Variants in MCF2L observed in about 807,000 individuals in gnomAD.
MCF2L encodes MCF.2 cell line derived transforming sequence like.
In MCF2L, 97 loss-of-function variants were observed where a neutral mutation model predicts 153.4. That is an observed-to-expected ratio of 0.63 (90% CI 0.54 to 0.75). MCF2L has a LOEUF of 0.75. Among genes scored for constraint, MCF2L ranks in the 30% least tolerant of loss-of-function variants. MCF2L has a pLI of 0.00. For synonymous variants in MCF2L, 659 were observed against 632.2 expected, an observed-to-expected ratio of 1.04 and a Z score of -0.64; for missense variants, 1,347 against 1,495.2, an observed-to-expected ratio of 0.90 and a Z score of 1.64.
At chr13:112,959,970 G>T (rs563011174) in intron 2 of MCF2L, among the ~76,000 whole-genome samples, 154 of 152,366 alleles carry the variant, frequency 1.0e-3, no homozygotes, top group African/African-American at 3.6e-3. Flanking sequence ...CCTCCTGCAG[G>T]TGTGGGGAGA....
upstream of MCF2L, chr13:112,969,189 CAG>C: frequency 1.2e-5 from 11 of 917,448 alleles, no homozygotes; most frequent in Non-Finnish European, 1.5e-5. This position sits in a 1 kb window ranked among gnomAD's most constrained non-coding sequence, Gnocchi z 4.8. Flanking sequence ...CCCCGCGGCG[CAG>C]CGCGCGCCCC....
At chr13:113,076,897 C>T (rs974746447) in intron 12 of MCF2L, among the ~76,000 whole-genome samples, 155 bp from the exon 13 acceptor site, 1 of 152,276 alleles carries the variant, frequency 6.6e-6, no homozygotes, top group Non-Finnish European at 1.5e-5. Flanking sequence ...CCGTAGTGGC[C>T]AGGGCTGGAC....
chr13:113,026,818 T>C (rs2085339551), intron 3 of MCF2L: 1 of 637,550 alleles, frequency 1.6e-6, no homozygotes, highest in Admixed American at 2.7e-5. Flanking sequence ...CAGACAGAGC[T>C]GGGTCCCTGT....
At chr13:113,085,062 C>G (rs2034502717) in intron 19 of MCF2L, 24 bp from the exon 20 acceptor site, 16 of 1,613,382 alleles carry the variant, frequency 9.9e-6, no homozygotes, top group Non-Finnish European at 1.3e-5. Context: ...ATTGTGCAAA[C>G]CAAAGGCTCT....
intron 1 of MCF2L, among the ~76,000 whole-genome samples, chr13:112,981,357 C>T (rs1022439186): frequency 6.6e-6 from 1 of 152,192 alleles, no homozygotes; most frequent in Non-Finnish European, 1.5e-5. Context: ...GGCCTCTCTG[C>T]GGTGGCAGTG....
At chr13:113,048,797 C>G (rs959510968) in intron 4 of MCF2L, among the ~76,000 whole-genome samples, 1 of 152,190 alleles carries the variant, frequency 6.6e-6, no homozygotes, top group African/African-American at 2.4e-5. Context: ...AGGCTTTTCT[C>G]TGTCCCAGGC....
At chr13:112,916,205 A>G (rs918511492) in intron 2 of MCF2L, among the ~76,000 whole-genome samples, 1 of 147,666 alleles carries the variant, frequency 6.8e-6, no homozygotes, top group Non-Finnish European at 1.5e-5. Context: ...TCTGATTCCG[A>G]GGCGACTTTT....
intron 1 of MCF2L, among the ~76,000 whole-genome samples, chr13:112,977,888 A>G (rs746655666): frequency 6.6e-6 from 1 of 152,254 alleles, no homozygotes; most frequent in Non-Finnish European, 1.5e-5. Context: ...AGCCTGGCCA[A>G]CATGGTGAAA....
rs74475948 is a variant in MCF2L at position 113,025,334 on chromosome 13, C to T, written c.278+576C>T. ...TGGTGGGGTCCCCGTGACTGTGGGT[C>T]GGGGCAGAGTCTCTGTGAGGTTTCG... On this transcript the variant is annotated intron_variant, in intron 3 of 29. Transcript: ENST00000535094. Among the ~76,000 whole-genome samples, 61 of 36,736 alleles carry T rather than the reference C, an allele frequency of 1.7e-3. 3 individuals are homozygous for T. The East Asian group carries it at 0.017, about 11-fold the overall frequency. The allele number at this position is 36,736 out of a possible 152,430, so 24.1% of individuals were successfully genotyped here.
intron 1 of MCF2L, chr13:113,008,863 G>C (rs762870512): frequency 1.3e-5 from 2 of 152,258 alleles, no homozygotes; most frequent in Non-Finnish European, 2.9e-5. Context: ...CATGTGTGCT[G>C]AGGACACGCT....
intron 3 of MCF2L, among the ~76,000 whole-genome samples, chr13:113,039,875 C>A (rs1343110420): frequency 6.6e-6 from 1 of 152,226 alleles, no homozygotes; most frequent in Non-Finnish European, 1.5e-5. Context: ...TACATAATTA[C>A]AGCAATTCCT....
At chr13:112,935,456 C>T (rs1440563658) in intron 2 of MCF2L, among the ~76,000 whole-genome samples, 1 of 152,072 alleles carries the variant, frequency 6.6e-6, no homozygotes, top group East Asian at 1.9e-4. Context: ...GGGATTTCAC[C>T]ATGTTGGCCA....
intron 2 of MCF2L, among the ~76,000 whole-genome samples, chr13:112,944,729 G>A (rs1449861478): frequency 1.3e-5 from 2 of 151,986 alleles, no homozygotes; most frequent in Non-Finnish European, 2.9e-5. Flanking sequence ...CTCGTGATCC[G>A]CCCGCCTCGG....
intron 13 of MCF2L, 105 bp downstream of exon 13, chr13:113,077,316 C>A: frequency 7.8e-7 from 1 of 1,286,092 alleles, no homozygotes; most frequent in Non-Finnish European, 1.0e-6. Context: ...AAACTGTCTC[C>A]ACACGCCTCC....
rs1246011868 is a variant in MCF2L, at chr13:113,070,327, G to A, written c.996+154G>A. On this transcript the variant is annotated intron_variant, in intron 9 of 29. Transcript: ENST00000535094. This position sits in a 1 kb window ranked among gnomAD's most constrained non-coding sequence, Gnocchi z 5.6. ...TCCGCTTGCCAGGTGGAGCCTGTGA[G>A]ATTAAGTCAGGCTGAGCCTTGAAAT... 2.8e-4 allele frequency: 142 copies of A among 501,508 alleles called. No individual in the cohort carries two copies. Among genetic ancestry groups the A allele is most frequent in the Non-Finnish European group, 3.5e-6 (1 of 288,638 alleles). The allele number at this position is 501,508 out of a possible 1,614,324, so 31.1% of individuals were successfully genotyped here.
At chr13:113,043,898 A>C (rs1368730068) in intron 3 of MCF2L, 3 of 152,644 alleles carry the variant, frequency 2.0e-5, no homozygotes, top group Non-Finnish European at 4.4e-5. Flanking sequence ...GGGTCTCATC[A>C]TGTTACCCAG....
chr13:113,096,514 C>G (rs1344848124), intron 28 of MCF2L, 31 bp downstream of exon 28: 2 of 1,582,832 alleles, frequency 1.3e-6, no homozygotes, highest in Non-Finnish European at 1.7e-6. Context: ...CCGGACTGCC[C>G]CGCACGTGGC....
chr13:112,916,172 T>C (rs981296816), intron 2 of MCF2L, among the ~76,000 whole-genome samples: 1 of 147,712 alleles, frequency 6.8e-6, no homozygotes, highest in Non-Finnish European at 1.5e-5. Flanking sequence ...TGCGCCACTA[T>C]ACTCTAGCCT....
rs369951305 is a variant in MCF2L, at chr13:113,060,472, G to A, written c.370-121G>A. 555 of 1,166,034 alleles carry A rather than the reference G, an allele frequency of 4.8e-4. 3 individuals carry two copies. The African/African-American group carries it at 7.4e-3, about 16-fold the overall frequency. 72.2% of individuals were successfully genotyped at this position (1,166,034 alleles called of 1,614,324 possible). A position where few individuals can be genotyped will look rare whatever the true frequency, so the allele number is the denominator to read the frequency against. On this transcript the variant is annotated intron_variant, in intron 4 of 29. Coordinates refer to ENST00000535094, the MANE Select transcript of MCF2L (RefSeq NM_001112732.3). ...GTTTATCTCAGCATAAACCTGCTGC[G>A]TTGAGGATGCCTGGCCGCTAGCTGC...
Sources: allele counts gnomAD v4.1 joint callset (sites outside exome capture counted in the v4.1 genomes callset), GRCh38; gene constraint gnomAD v4.1.1; non-coding constraint Gnocchi (gnomAD v3.1); transcripts MANE v1.5; gene names NCBI Gene and HGNC (gene_info 2026-07-23, HGNC 2026-07-21).